The following CNTN2 variants were observed in gnomAD, a reference collection of about 807,000 sequenced individuals.
CNTN2 encodes the protein contactin 2, also known as contactin-2.
Under a neutral mutation model 117.5 loss-of-function variants are expected in CNTN2, and 53 were observed. That is an observed-to-expected ratio of 0.45 (90% CI 0.36 to 0.57). The LOEUF (loss-of-function observed/expected upper bound fraction) is 0.57. Among genes scored for constraint, CNTN2 ranks in the 20% least tolerant of loss-of-function variants. The pLI, the probability that CNTN2 is intolerant of heterozygous loss-of-function variation, is 0.00. For missense variants in CNTN2, 1,106 were observed against 1,404.3 expected (o/e 0.79, Z 3.39); for synonymous variants, 530 against 561.7 (o/e 0.94, Z 0.80).
rs1022781023 is a variant in CNTN2, at chr1:205,059,011, A to C, written c.488-73A>C. The C allele has an allele frequency of 2.2e-6, 3 of 1,376,060 alleles. No individual in the cohort carries two copies. The African/African-American group carries it at 4.3e-5, about 20-fold the overall frequency. 85.2% of individuals were successfully genotyped at this position (1,376,060 alleles called of 1,614,324 possible). A position where few individuals can be genotyped will look rare whatever the true frequency, so the allele number is the denominator to read the frequency against. ...ACAGGGCTTGCAGAACCGCACCAGC[A>C]TGCTGGGGTCCCACCCAGAGTGGCC... is the stretch of plus-strand genomic sequence containing the variant. On this transcript the variant is annotated intron_variant, in intron 5 of 22. Coordinates refer to ENST00000331830, the MANE Select transcript of CNTN2 (RefSeq NM_005076.5). The surrounding 1 kb of genome is among the most constrained non-coding windows in gnomAD (Gnocchi z 5.6).
In CNTN2 at chr1:205,048,600, C is replaced by T. The variant is rs1574628432; in HGVS notation, c.-86-4500C>T. 6.6e-6 allele frequency among the ~76,000 whole-genome samples: 1 copy of T among 152,174 alleles called. No individual in the cohort carries two copies. Among genetic ancestry groups the T allele is most frequent in the South Asian group, 2.1e-4 (1 of 4,838 alleles). ...TTCGCAGGGCCAGCTCTGGGCCTGGCATAGCTCCACTCCAGCCTTGCTCCT... is the reference window on the plus strand; with the variant it reads ...TTCGCAGGGCCAGCTCTGGGCCTGGTATAGCTCCACTCCAGCCTTGCTCCT... On this transcript the variant is annotated intron_variant, in intron 1 of 22. Coordinates refer to ENST00000331830, the MANE Select transcript of CNTN2 (RefSeq NM_005076.5). The surrounding 1 kb of genome is among the most constrained non-coding windows in gnomAD (Gnocchi z 4.1).
rs1247447180 is a variant in CNTN2, at chr1:205,065,922, C to T, written c.1816+13C>T. On this transcript the variant is annotated intron_variant, in intron 14 of 22. Transcript: ENST00000331830. The surrounding 1 kb of genome is among the most constrained non-coding windows in gnomAD (Gnocchi z 4.1). The stretch of plus-strand genomic sequence containing the variant: ...GTCCTGGTCCGAGGTGAGGGGTTTC[C>T]CACCTCTACCCCTACCCCAACTCCC... The T allele has an allele frequency of 1.0e-5, 16 of 1,599,816 alleles. No homozygotes were observed. Among genetic ancestry groups the T allele is most frequent in the African/African-American group, 1.3e-5 (1 of 74,682 alleles).
chr1:205,053,420 C>T (rs2096456187), intron 2 of CNTN2, among the ~76,000 whole-genome samples, 165 bp downstream of exon 2: 1 of 152,156 alleles, frequency 6.6e-6, no homozygotes. Context: ...GTAGATCTTA[C>T]CTTCCTTTGA....
chr1:205,052,130 GCAGAATCTGCAGC>G (rs943487996), intron 1 of CNTN2, among the ~76,000 whole-genome samples: 26 of 152,346 alleles, frequency 1.7e-4, no homozygotes, highest in African/African-American at 6.3e-4. Flanking sequence ...GAGCAGAGCA[GCAGAATCTGCAGC>G]CGGGCTCGCT....
intron 1 of CNTN2, among the ~76,000 whole-genome samples, chr1:205,046,904 T>C (rs1415223179): frequency 3.9e-5 from 6 of 152,130 alleles, no homozygotes; most frequent in Non-Finnish European, 1.5e-5. Context: ...CCTCTCTTCT[T>C]CTGTCCACTC....
Position 205,061,296 on chromosome 1 carries a change from G to T in CNTN2, c.849G>T (p.Gln283His), listed in dbSNP as rs1653965834. 1 of 1,613,992 alleles carries T rather than the reference G, an allele frequency of 6.2e-7. No individual in the cohort carries two copies. Among genetic ancestry groups the T allele is most frequent in the Non-Finnish European group, 8.5e-7 (1 of 1,179,992 alleles). The change falls in exon 8 of 23, where the codon CAG (glutamine) becomes CAT (histidine). Residue 283 changes from glutamine (Q) to histidine (H), a missense_variant. Physicochemically the swap from Gln to His is conservative, Grantham distance 24 (BLOSUM62 0). Transcript: ENST00000331830. The surrounding 1 kb of genome is among the most constrained non-coding windows in gnomAD (Gnocchi z 4.8). ...AAGTGGACGGCTCCCTGTCCCCGCA[G>T]TGGACCACAGCTGAGCCCACCCTGC... ...WRKVDGSLSPQWTTAEPTLQI... is the reference protein window; with the variant it reads ...WRKVDGSLSPHWTTAEPTLQI...
Position 205,073,075 on chromosome 1 carries a change from A to T in CNTN2, c.2852A>T (p.Tyr951Phe). Residue 951 changes from tyrosine (Y) to phenylalanine (F), a missense_variant, in exon 22 of 23, where the codon TAC becomes TTC. Transcript: ENST00000331830. The surrounding 1 kb of genome is among the most constrained non-coding windows in gnomAD (Gnocchi z 6.3). The stretch of plus-strand genomic sequence containing the variant: ...GAAACCTCCTTCCCACAGATGCTGT[A>T]CCAGAATGACTTACACCTGACTCCC... ...ESAVTGYKML[Y>F]QNDLHLTPTL... is the part of the protein sequence containing the mutation. 1.2e-6 allele frequency: 2 copies of T among 1,614,110 alleles called. No individual in the cohort carries two copies. The highest frequency in any genetic ancestry group is 1.7e-6 in the Non-Finnish European group (2 of 1,179,988).
At chr1:205,049,983 T>G (rs987059942) in intron 1 of CNTN2, among the ~76,000 whole-genome samples, 5 of 151,948 alleles carry the variant, frequency 3.3e-5, no homozygotes, top group South Asian at 2.1e-4. Flanking sequence ...TGAAAACCAC[T>G]GCAGGGCACT....
At position 205,074,435 on chromosome 1, in the gene CNTN2, G is replaced by A. The variant is rs943439823; in HGVS notation, c.*670G>A. The A allele has an allele frequency of 1.4e-4, 55 of 399,148 alleles. No individual in the cohort carries two copies. The highest frequency in any genetic ancestry group is 9.8e-4 in the African/African-American group (48 of 48,774). 24.7% of individuals were successfully genotyped at this position (399,148 alleles called of 1,614,324 possible). A position where few individuals can be genotyped will look rare whatever the true frequency, so the allele number is the denominator to read the frequency against. On this transcript the variant is annotated 3_prime_UTR_variant, in exon 23 of 23. Coordinates refer to ENST00000331830, the MANE Select transcript of CNTN2 (RefSeq NM_005076.5). ...GGCTGTTTGGGGTGGGAGCCAAAAA[G>A]AGTTGAGAGGCCAGGGCCCTTGGTG...
chr1:205,069,374 CCCAGGGCCCAGTTGAAGGGGTT>C (rs1654462623), intron 16 of CNTN2, 95 bp from the exon 17 acceptor site: 1 of 960,812 alleles, frequency 1.0e-6, no homozygotes, highest in East Asian at 2.6e-5. Context: ...GGGGGGCAAA[CCCAGGGCCCAGTTGAAGGGGTT>C]CCCATCTTAC....
In CNTN2 at chr1:205,061,405, C is replaced by G; in HGVS notation, c.958C>G (p.Arg320Gly). The G allele has an allele frequency of 6.2e-7, 1 of 1,611,480 alleles. No homozygotes were observed. Among genetic ancestry groups the G allele is most frequent in the Non-Finnish European group, 8.5e-7 (1 of 1,178,908 alleles). ...NSKGRDTVQG[R>G]IIVQAQPEWL... ...CAAGGGCCGAGACACCGTGCAGGGC[C>G]GCATCATCGTGCAGGGTACAGAGCC... The change falls in exon 8 of 23, where the codon CGC (arginine) becomes GGC (glycine). Residue 320 changes from arginine (R) to glycine (G), a missense_variant. Transcript: ENST00000331830. This position sits in a 1 kb window ranked among gnomAD's most constrained non-coding sequence, Gnocchi z 4.8.
At chr1:205,072,880 G>A in intron 21 of CNTN2, 188 bp from the exon 22 acceptor site, 2 of 669,776 alleles carry the variant, frequency 3.0e-6, no homozygotes, top group Non-Finnish European at 5.1e-6. Context: ...GGAGTCTACG[G>A]AAACAGTTCA....
chr1:205,078,019 G>A lies in CNTN2; in HGVS notation c.*4254G>A, dbSNP rs1166072178. 6.6e-6 allele frequency: 1 copy of A among 152,172 alleles called. No homozygotes were observed. Among genetic ancestry groups the A allele is most frequent in the Admixed American group, 6.5e-5 (1 of 15,276 alleles). The allele number at this position is 152,172 out of a possible 1,614,324, so 9.4% of individuals were successfully genotyped here. On this transcript the variant is annotated 3_prime_UTR_variant, in exon 23 of 23. Coordinates refer to ENST00000331830, the MANE Select transcript of CNTN2 (RefSeq NM_005076.5). ...CTCAACCTGTTGGGGAAGCTGGCACGAGCTGTGGGTGTTATCATCAGGCTA... is the reference window on the plus strand; with the variant it reads ...CTCAACCTGTTGGGGAAGCTGGCACAAGCTGTGGGTGTTATCATCAGGCTA...
chr1:205,053,494 G>A (rs149825470), intron 2 of CNTN2, among the ~76,000 whole-genome samples: 61 of 152,274 alleles, frequency 4.0e-4, no homozygotes, highest in Non-Finnish European at 7.4e-4. Context: ...ACCCAGAGAG[G>A]GTGAGTGGCT....
chr1:205,070,385 G>C (rs759382546), intron 18 of CNTN2, 41 bp from the exon 19 acceptor site: 1 of 1,417,606 alleles, frequency 7.1e-7, no homozygotes, highest in South Asian at 1.2e-5. Flanking sequence ...AGGACACAGG[G>C]GGGCCCTGGG....
rs765207391 is a variant in CNTN2 at position 205,070,070 on chromosome 1, C to T, written c.2431+9C>T. 6.2e-7 allele frequency: 1 copy of T among 1,611,508 alleles called. No individual in the cohort carries two copies. Among genetic ancestry groups the T allele is most frequent in the East Asian group, 2.2e-5 (1 of 44,854 alleles). ...GTACTCAGCTGAGGAAGGTGGGCTG[C>T]CCCTGGGCCCCCTGCTCGTCCCTAC... is the stretch of plus-strand genomic sequence containing the variant. On this transcript the variant is annotated intron_variant, in intron 18 of 22. Transcript: ENST00000331830.
At chr1:205,053,756 C>T (rs943498384) in intron 2 of CNTN2, among the ~76,000 whole-genome samples, 1 of 152,258 alleles carries the variant, frequency 6.6e-6, no homozygotes, top group Non-Finnish European at 1.5e-5. Flanking sequence ...CCAGACAGGG[C>T]TCTGTAGTCC....
rs537588118 is a variant in CNTN2 at position 205,065,546 on chromosome 1, G to T, written c.1696-243G>T. Among the ~76,000 whole-genome samples the T allele has an allele frequency of 6.6e-6, 1 of 152,104 alleles. No individual in the cohort carries two copies. The highest frequency in any genetic ancestry group is 2.4e-5 in the African/African-American group (1 of 41,476). Reference sequence around the variant, plus strand: ...TGTTAGCCTGTCCCCTAGGGCAAATGATATTATTAATGTGGACAGTCATTG... The same window carrying T: ...TGTTAGCCTGTCCCCTAGGGCAAATTATATTATTAATGTGGACAGTCATTG... On this transcript the variant is annotated intron_variant, in intron 13 of 22. Transcript: ENST00000331830. The surrounding 1 kb of genome is among the most constrained non-coding windows in gnomAD (Gnocchi z 4.1).
rs770825119 is a variant in CNTN2, at chr1:205,064,651, A to G, written c.1420A>G (p.Ile474Val). The G allele has an allele frequency of 5.6e-6, 9 of 1,614,100 alleles. No individual in the cohort carries two copies. The highest frequency in any genetic ancestry group is 1.7e-5 in the Admixed American group (1 of 60,014). Residue 474 changes from isoleucine to valine, a missense_variant, in exon 12 of 23, where the codon ATC becomes GTC. Ile to Val is a conservative substitution (Grantham distance 29). Transcript: ENST00000331830. ...GACTGTAACTCCAGATGGCACCTTG[A>G]TCATAAGAAACATCAGCCGGTCAGA... ...RVTVTPDGTL[I>V]IRNISRSDEG...
Sources: gnomAD v4.1 joint callset for allele counts (sites outside exome capture counted in the v4.1 genomes callset) on GRCh38, gnomAD v4.1.1 for gene constraint, Gnocchi (gnomAD v3.1) non-coding constraint, MANE v1.5 for transcripts, NCBI Gene and HGNC (gene_info 2026-07-23, HGNC 2026-07-21) for gene names.